Variants in CA10 observed in about 807,000 individuals in gnomAD.
The protein encoded by CA10 is carbonic anhydrase-related protein 10.
CA10 carries 14 observed loss-of-function variants against 44.2 expected under a neutral mutation model. The observed-to-expected ratio is 0.32, with a 90% confidence interval of 0.21 to 0.50. The LOEUF (loss-of-function observed/expected upper bound fraction) is 0.50, where lower values mean the gene tolerates loss of function less well. CA10 is among the 20% of genes least tolerant of loss of function. The pLI is 0.99. For missense variants in CA10, 350 were observed against 409.7 expected (o/e 0.85, Z 1.26); for synonymous variants, 159 against 141.6 (o/e 1.12, Z -0.87).
At chr17:52,005,188 G>A (rs1299431689) in intron 2 of CA10, among the ~76,000 whole-genome samples, 1 of 151,724 alleles carries the variant, frequency 6.6e-6, no homozygotes, top group Non-Finnish European at 1.5e-5. Context: ...GAACCCTTTA[G>A]GACCTTAATG....
chr17:51,631,541 T>C lies in CA10; in HGVS notation c.*43A>G. On this transcript the variant is annotated 3_prime_UTR_variant, in exon 9 of 9. Coordinates refer to ENST00000451037, the MANE Select transcript of CA10 (RefSeq NM_020178.5). Reference sequence around the variant, plus strand: ...CATTCTAGGTTACGTCAATTCACAGTTGTAGCATTTCACTGAGGTGGGATT... The same window carrying C: ...CATTCTAGGTTACGTCAATTCACAGCTGTAGCATTTCACTGAGGTGGGATT... 1 of 1,568,386 alleles carries C rather than the reference T, an allele frequency of 6.4e-7. No homozygotes were observed. The highest frequency in any genetic ancestry group is 8.8e-7 in the Non-Finnish European group (1 of 1,138,690).
intron 4 of CA10, among the ~76,000 whole-genome samples, chr17:51,692,979 GGTTTCAGCCA>G (rs888202460): frequency 5.9e-5 from 9 of 152,114 alleles, no homozygotes; most frequent in African/African-American, 9.7e-5. Flanking sequence ...TTAGTCAGTT[GGTTTCAGCCA>G]GTTTCAGCCA....
At chr17:51,663,482 AG>A (rs1163318519) in intron 4 of CA10, among the ~76,000 whole-genome samples, 3 of 152,156 alleles carry the variant, frequency 2.0e-5, no homozygotes, top group African/African-American at 7.2e-5. Flanking sequence ...ATCCCAACAC[AG>A]GGCATGGATG....
At chr17:51,664,375 T>C (rs1228763181) in intron 4 of CA10, among the ~76,000 whole-genome samples, 1 of 152,076 alleles carries the variant, frequency 6.6e-6, no homozygotes, top group Non-Finnish European at 1.5e-5. Flanking sequence ...AGGGCTCATA[T>C]CAGGAGTTAA....
chr17:51,747,216 C>T (rs1457041188), intron 4 of CA10, among the ~76,000 whole-genome samples: 1 of 152,172 alleles, frequency 6.6e-6, no homozygotes, highest in Non-Finnish European at 1.5e-5. Context: ...TAGTTTTATG[C>T]AAATATGACT....
chr17:52,143,821 C>CA (rs1034094166), intron 1 of CA10, among the ~76,000 whole-genome samples: 30 of 152,210 alleles, frequency 2.0e-4, no homozygotes, highest in Admixed American at 3.9e-4. Flanking sequence ...AAAAATCCCA[C>CA]AAAAAAACCA....
chr17:51,958,361 G>A (rs1216518286), intron 2 of CA10, among the ~76,000 whole-genome samples: 1 of 151,816 alleles, frequency 6.6e-6, no homozygotes, highest in African/African-American at 2.4e-5. Context: ...TGTTTGAGTG[G>A]GTAAGTGAGG....
intron 3 of CA10, among the ~76,000 whole-genome samples, chr17:51,890,865 G>T (rs939933126): frequency 2.0e-5 from 3 of 152,188 alleles, no homozygotes; most frequent in Admixed American, 1.3e-4. Flanking sequence ...CAGTCTGCCT[G>T]CCTGTCAAGG....
chr17:51,979,721 G>A (rs924450829), intron 2 of CA10, among the ~76,000 whole-genome samples: 11 of 152,030 alleles, frequency 7.2e-5, no homozygotes, highest in Non-Finnish European at 1.2e-4. Context: ...GAGAATGGAC[G>A]GCAGGCCTTA....
intron 2 of CA10, among the ~76,000 whole-genome samples, chr17:52,041,857 G>A (rs1986777465): frequency 6.6e-6 from 1 of 151,966 alleles, no homozygotes; most frequent in South Asian, 2.1e-4. Context: ...TTCTATGTCT[G>A]GCTTGTTTCA....
chr17:51,778,315 T>C (rs1905911635), intron 3 of CA10, among the ~76,000 whole-genome samples: 1 of 152,198 alleles, frequency 6.6e-6, no homozygotes, highest in South Asian at 2.1e-4. Context: ...CAGACTCAAC[T>C]GATGGACTGG....
chr17:51,711,263 C>T (rs80055857), intron 4 of CA10, among the ~76,000 whole-genome samples: 1,995 of 152,216 alleles, frequency 0.013, 57 homozygotes, highest in African/African-American at 0.046. Flanking sequence ...ACTCATGACT[C>T]CTATCAGCGG....
At chr17:51,863,663 G>T (rs546523860) in intron 3 of CA10, among the ~76,000 whole-genome samples, 2 of 152,186 alleles carry the variant, frequency 1.3e-5, no homozygotes, top group Admixed American at 1.3e-4. Flanking sequence ...GGTCCCCACG[G>T]ACACCCTCAG....
chr17:51,990,960 G>T (rs767593151), intron 2 of CA10, among the ~76,000 whole-genome samples: 2 of 152,098 alleles, frequency 1.3e-5, no homozygotes, highest in Non-Finnish European at 2.9e-5. Flanking sequence ...GCCCTTTTCT[G>T]AGAGGTACAA....
intron 3 of CA10, among the ~76,000 whole-genome samples, chr17:51,847,916 G>A (rs906805876): frequency 2.6e-5 from 4 of 152,156 alleles, no homozygotes; most frequent in African/African-American, 9.7e-5. Flanking sequence ...GCACTTTCCA[G>A]ACGAGACCTT....
chr17:51,889,148 A>C (rs969112742), intron 3 of CA10, among the ~76,000 whole-genome samples: 4 of 152,140 alleles, frequency 2.6e-5, no homozygotes, highest in Admixed American at 6.5e-5. Flanking sequence ...TGGAGATTGC[A>C]AGGCTTCTTA....
At chr17:51,722,441 A>G (rs1279734436) in intron 4 of CA10, among the ~76,000 whole-genome samples, 3 of 152,226 alleles carry the variant, frequency 2.0e-5, no homozygotes, top group Non-Finnish European at 2.9e-5. Flanking sequence ...TGATATGGGT[A>G]TCCTGTAATC....
chr17:51,890,507 T>G (rs1460630418), intron 3 of CA10, among the ~76,000 whole-genome samples: 2 of 152,078 alleles, frequency 1.3e-5, no homozygotes, highest in Admixed American at 1.3e-4. Context: ...TGTTGTTTGT[T>G]TGTTTTTTTT....
intron 3 of CA10, among the ~76,000 whole-genome samples, chr17:51,890,721 T>C (rs1316046140): frequency 2.0e-5 from 3 of 152,152 alleles, no homozygotes; most frequent in African/African-American, 7.2e-5. Context: ...ATTTATTGGG[T>C]CACTAGTATA....
Sources: gnomAD v4.1 joint callset for allele counts (sites outside exome capture counted in the v4.1 genomes callset) on GRCh38, gnomAD v4.1.1 for gene constraint, MANE v1.5 for transcripts, NCBI Gene and HGNC (gene_info 2026-07-23, HGNC 2026-07-21) for gene names.